The following GPHN variants were observed in gnomAD, a reference collection of about 807,000 sequenced individuals.
GPHN encodes the protein gephyrin.
In GPHN, 17 loss-of-function variants were observed where a neutral mutation model predicts 95.5. The ratio of observed to expected loss-of-function variants is 0.18; its 90% CI spans 0.12 to 0.27. The LOEUF is 0.27. Ranked by LOEUF, GPHN falls within the 10% of genes least tolerant of loss-of-function variation. GPHN has a pLI of 1.00. For synonymous variants in GPHN, 320 were observed against 322.5 expected (o/e 0.99, Z 0.08); for missense variants, 660 against 978.1 (o/e 0.67, Z 4.34).
chr14:67,124,008 A>ATT (rs111750661), intron 17 of GPHN, among the ~76,000 whole-genome samples: 1 of 151,354 alleles, frequency 6.6e-6, no homozygotes, highest in Non-Finnish European at 1.5e-5. Context: ...TTTCCTCCTG[A>ATT]TTTTTTTTTC....
chr14:67,256,318 G>A, the GPHN span, among the ~76,000 whole-genome samples: 192 of 152,116 alleles, frequency 1.3e-3, 1 homozygote, highest in African/African-American at 1.3e-3. Context: ...TTTCACTTGC[G>A]TTTGTTTCAT....
chr14:67,258,872 C>T, the GPHN span, among the ~76,000 whole-genome samples: 3 of 152,094 alleles, frequency 2.0e-5, no homozygotes, highest in East Asian at 3.9e-4. Context: ...GATGGAGTCT[C>T]TCTCTGTTTC....
At chr14:66,725,830 A>C (rs556554713) in intron 2 of GPHN, among the ~76,000 whole-genome samples, 64 of 152,362 alleles carry the variant, frequency 4.2e-4, no homozygotes, top group African/African-American at 1.5e-3. Context: ...TTGAATGTTT[A>C]ACACAGAGTC....
chr14:67,681,880 C>T, the GPHN span, among the ~76,000 whole-genome samples: 2 of 152,122 alleles, frequency 1.3e-5, no homozygotes, highest in African/African-American at 2.4e-5. Context: ...TTGAATGTAT[C>T]CCTTAAAAAA....
intron 1 of GPHN, among the ~76,000 whole-genome samples, chr14:66,587,172 A>G (rs1006462177): frequency 2.0e-5 from 3 of 152,198 alleles, no homozygotes; most frequent in Non-Finnish European, 4.4e-5. Flanking sequence ...ACAACTACCA[A>G]GAATGAATCA....
the GPHN span, chr14:67,695,720 G>C: frequency 6.2e-6 from 10 of 1,613,310 alleles, no homozygotes; most frequent in South Asian, 3.3e-5. Context: ...CGGCTGCAGC[G>C]GCACCAGAGC....
chr14:67,334,010 G>A, the GPHN span: 1 of 152,508 alleles, frequency 6.6e-6, no homozygotes, highest in Admixed American at 6.6e-5. Flanking sequence ...TCAACAAATG[G>A]TCATTGAAAA....
chr14:66,645,707 GA>G (rs1053121954), intron 1 of GPHN, among the ~76,000 whole-genome samples: 1 of 141,044 alleles, frequency 7.1e-6, no homozygotes, highest in Non-Finnish European at 1.5e-5. Flanking sequence ...AAAAAAAAAA[GA>G]AAATTTTTTT....
At chr14:67,089,543 C>T (rs1031869905) in intron 12 of GPHN, among the ~76,000 whole-genome samples, 2 of 152,050 alleles carry the variant, frequency 1.3e-5, no homozygotes, top group African/African-American at 4.8e-5. Flanking sequence ...TCAATTTATT[C>T]TTTCCGTTCC....
intron 17 of GPHN, among the ~76,000 whole-genome samples, chr14:67,127,142 T>G: frequency 1.3e-5 from 2 of 150,492 alleles, no homozygotes; most frequent in African/African-American, 2.4e-5. Context: ...TCGGGAGATA[T>G]ACCTAATGCT....
chr14:67,152,693 G>A (rs2081351031), intron 18 of GPHN, among the ~76,000 whole-genome samples: 4 of 152,154 alleles, frequency 2.6e-5, no homozygotes, highest in South Asian at 2.1e-4. Flanking sequence ...CTGGCGGGGC[G>A]CGGTGGCTCA....
chr14:67,157,621 C>G (rs903136801), intron 18 of GPHN, among the ~76,000 whole-genome samples: 1 of 151,916 alleles, frequency 6.6e-6, no homozygotes, highest in Admixed American at 6.6e-5. Flanking sequence ...GCCAGGAGTT[C>G]AAGACCAGCC....
At chr14:66,981,770 G>A (rs1020305472) in intron 9 of GPHN, among the ~76,000 whole-genome samples, 3 of 152,144 alleles carry the variant, frequency 2.0e-5, no homozygotes, top group Non-Finnish European at 4.4e-5. Flanking sequence ...GATACAAAAT[G>A]TATTATGGAG....
chr14:67,056,065 A>G (rs1479277640), intron 10 of GPHN, among the ~76,000 whole-genome samples: 1 of 152,256 alleles, frequency 6.6e-6, no homozygotes, highest in African/African-American at 2.4e-5. Context: ...TTTATTGTGA[A>G]GAGTGAAAGA....
the GPHN span, among the ~76,000 whole-genome samples, chr14:67,428,181 A>C: frequency 6.6e-6 from 1 of 152,080 alleles, no homozygotes; most frequent in Admixed American, 6.6e-5. Context: ...AGCCTCCCAA[A>C]GTGCTGGAAT....
the GPHN span, chr14:67,340,368 A>T: frequency 7.8e-7 from 1 of 1,282,594 alleles, no homozygotes; most frequent in East Asian, 2.3e-5. Flanking sequence ...TAAACCAACA[A>T]GTCATTCAGC....
At chr14:67,224,767 T>C in the GPHN span, 8 of 248,864 alleles carry the variant, frequency 3.2e-5, no homozygotes, top group Non-Finnish European at 1.6e-5. Flanking sequence ...GTTTCCTTCC[T>C]ACCCTTACCC....
the GPHN span, chr14:67,649,801 T>C: frequency 6.6e-6 from 1 of 152,246 alleles, no homozygotes; most frequent in Non-Finnish European, 1.5e-5. Context: ...CCAGACTTTA[T>C]GGCCACCCTA....
intron 1 of GPHN, among the ~76,000 whole-genome samples, chr14:66,540,961 T>C (rs2059332778): frequency 6.6e-6 from 1 of 151,514 alleles, no homozygotes; most frequent in Admixed American, 6.6e-5. Context: ...TTTTTTTCCT[T>C]TTCTGAGACG....
Sources: gnomAD v4.1 joint callset for allele counts (sites outside exome capture counted in the v4.1 genomes callset) on GRCh38, gnomAD v4.1.1 for gene constraint, MANE v1.5 for transcripts, NCBI Gene and HGNC (gene_info 2026-07-23, HGNC 2026-07-21) for gene names.